Variants in SEMA4D observed in about 807,000 individuals in gnomAD.
The protein encoded by SEMA4D is semaphorin-4D.
In SEMA4D, 22 loss-of-function variants were observed where a neutral mutation model predicts 74.8. That is an observed-to-expected ratio of 0.29 (90% CI 0.21 to 0.42). The LOEUF (loss-of-function observed/expected upper bound fraction) is 0.42, where lower values mean the gene tolerates loss of function less well. SEMA4D is among the 10% of genes least tolerant of loss of function. The pLI, the probability that SEMA4D is intolerant of heterozygous loss-of-function variation, is 1.00. For missense variants in SEMA4D, 937 were observed against 1,118.4 expected, an observed-to-expected ratio of 0.84 and a Z score of 2.31; for synonymous variants, 445 against 463.7, an observed-to-expected ratio of 0.96 and a Z score of 0.52.
intron 1 of SEMA4D, among the ~76,000 whole-genome samples, chr9:89,493,160 A>G (rs1825757171): frequency 6.6e-6 from 1 of 152,188 alleles, no homozygotes; most frequent in South Asian, 2.1e-4. Flanking sequence ...CCTAAGACAA[A>G]GGAGCATCAC....
rs1002407906 is a variant in SEMA4D at position 89,433,832 on chromosome 9, T to C, written c.-244+22056A>G. ...CTCAGACAGTATCTCTCAAAGCCTC[T>C]GGATGCTGGTACCAGCATACCCCAG... is the stretch of plus-strand genomic sequence containing the variant. On this transcript the variant is annotated intron_variant, in intron 2 of 15. Transcript: ENST00000422704. 3.9e-5 allele frequency among the ~76,000 whole-genome samples: 6 copies of C among 152,176 alleles called. No homozygotes were observed. In the South Asian group the frequency reaches 1.2e-3, roughly 32 times the overall value.
intron 1 of SEMA4D, among the ~76,000 whole-genome samples, chr9:89,462,985 A>AGGGGAGC (rs796527294): frequency 2.3e-4 from 28 of 122,960 alleles, no homozygotes; most frequent in South Asian, 4.7e-4. Flanking sequence ...GGAGCGAGGG[A>AGGGGAGC]GAAAGAGAGG....
At chr9:89,413,906 G>A (rs1845107242) in intron 2 of SEMA4D, among the ~76,000 whole-genome samples, 1 of 152,240 alleles carries the variant, frequency 6.6e-6, no homozygotes, top group South Asian at 2.1e-4. Context: ...GTGTGCATGT[G>A]TGTATATGTG....
intron 2 of SEMA4D, among the ~76,000 whole-genome samples, chr9:89,427,965 T>A (rs1203456959): frequency 6.6e-6 from 1 of 152,150 alleles, no homozygotes; most frequent in Non-Finnish European, 1.5e-5. Flanking sequence ...GAGGTGTGTT[T>A]CCCCTAGGGA....
intron 4 of SEMA4D, 136 bp downstream of exon 4, chr9:89,402,735 C>T: frequency 1.1e-6 from 1 of 915,784 alleles, no homozygotes; most frequent in Admixed American, 2.5e-5. Context: ...TGGTGGACAC[C>T]CAAAGATGGG....
At chr9:89,387,194 G>A in intron 12 of SEMA4D, 192 bp downstream of exon 12, 1 of 569,428 alleles carries the variant, frequency 1.8e-6, no homozygotes, top group Non-Finnish European at 3.1e-6. Context: ...CAGTAGCCTG[G>A]TGGTCCCAGA....
chr9:89,458,379 T>G (rs1487418898), intron 1 of SEMA4D, among the ~76,000 whole-genome samples: 1 of 152,120 alleles, frequency 6.6e-6, no homozygotes, highest in African/African-American at 2.4e-5. Context: ...GCCCCTTTTC[T>G]TTAGTGGAAA....
rs535881036 is a variant in SEMA4D, at chr9:89,400,621, G to A, written c.253-1283C>T. On this transcript the variant is annotated intron_variant, in intron 4 of 15. Coordinates refer to ENST00000422704, the MANE Select transcript of SEMA4D (RefSeq NM_001371194.2). ...AGTCCTGATAGGGGCACACAAAAGC[G>A]GAACAGAGTCTCATTTAAAATAGCC... Among the ~76,000 whole-genome samples the A allele has an allele frequency of 4.6e-5, 7 of 152,230 alleles. No individual in the cohort carries two copies. The South Asian group carries it at 1.0e-3, about 23-fold the overall frequency.
intron 2 of SEMA4D, among the ~76,000 whole-genome samples, chr9:89,435,063 G>C (rs992603429): frequency 6.6e-6 from 1 of 152,182 alleles, no homozygotes; most frequent in African/African-American, 2.4e-5. Flanking sequence ...CTGAGTTGCT[G>C]GTCTAAGAGC....
rs544936318 is a variant in SEMA4D at position 89,364,458 on chromosome 9, C to G, written c.1883-508G>C. On this transcript the variant is annotated intron_variant, in intron 16 of 18. Coordinates refer to the SEMA4D transcript ENST00000339861. ...TGAGGGCCTGTCTCTCCAATTGAGA[C>G]ACTGGGGTGGGCTTGGAGGGGAGTA... is the stretch of plus-strand genomic sequence containing the variant. 8 of 209,808 alleles carry G rather than the reference C, an allele frequency of 3.8e-5. No homozygotes were observed. The East Asian group carries it at 8.5e-4, about 22-fold the overall frequency. The allele number at this position is 209,808 out of a possible 1,614,324, so 13.0% of individuals were successfully genotyped here.
chr9:89,495,605 A>G (rs1241175913), intron 1 of SEMA4D, among the ~76,000 whole-genome samples: 1 of 152,232 alleles, frequency 6.6e-6, no homozygotes, highest in African/African-American at 2.4e-5. Context: ...AGTTCAAAGA[A>G]GAAATAACTG....
At chr9:89,453,443 T>C (rs910095055) in intron 2 of SEMA4D, among the ~76,000 whole-genome samples, 1 of 152,254 alleles carries the variant, frequency 6.6e-6, no homozygotes, top group Non-Finnish European at 1.5e-5. Context: ...CAAGCCAACC[T>C]GTGCTCCTTT....
chr9:89,409,460 C>G (rs1168127983), intron 2 of SEMA4D, among the ~76,000 whole-genome samples: 1 of 152,188 alleles, frequency 6.6e-6, no homozygotes, highest in Admixed American at 6.5e-5. Context: ...AGGCACCACT[C>G]TGTGGGGGGA....
intron 6 of SEMA4D, among the ~76,000 whole-genome samples, chr9:89,395,774 C>A (rs1338045385): frequency 6.6e-6 from 1 of 152,176 alleles, no homozygotes; most frequent in Non-Finnish European, 1.5e-5. Flanking sequence ...AAATACCAGG[C>A]TTCCTCATCA....
At chr9:89,477,947 CCT>C (rs552389856) in intron 1 of SEMA4D, among the ~76,000 whole-genome samples, 58 of 152,212 alleles carry the variant, frequency 3.8e-4, no homozygotes, top group Non-Finnish European at 6.3e-4. Context: ...TCCTGTTTCC[CCT>C]CTGAGTCAAC....
At chr9:89,368,922 T>G (rs1029475366) in intron 16 of SEMA4D, 2 of 152,284 alleles carry the variant, frequency 1.3e-5, no homozygotes, top group African/African-American at 2.4e-5. Flanking sequence ...AAGGCACCAC[T>G]GAGGCACCGA....
intron 2 of SEMA4D, among the ~76,000 whole-genome samples, chr9:89,452,538 G>A (rs990718899): frequency 7.2e-5 from 11 of 151,996 alleles, no homozygotes; most frequent in Non-Finnish European, 1.3e-4. Flanking sequence ...TGCAACCTCC[G>A]CCTCCTGGCT....
rs762565486 is a variant in SEMA4D, at chr9:89,379,324, T to C, written c.1969A>G (p.Thr657Ala). ...CCTTCTGTCTGAACAACTGACAAGG[T>C]GGGGGCCACTACGGGCTTTGGAACC... ...KVVPKPVVAPTLSVVQTEGSR... is the reference protein window; with the variant it reads ...KVVPKPVVAPALSVVQTEGSR... Residue 657 changes from threonine to alanine, a missense_variant, in exon 16 of 16, where the codon ACC becomes GCC. Transcript: ENST00000422704. 1.2e-6 allele frequency: 2 copies of C among 1,614,050 alleles called. No homozygotes were observed. Among genetic ancestry groups the C allele is most frequent in the Non-Finnish European group, 1.7e-6 (2 of 1,179,998 alleles).
chr9:89,388,930 C>T lies in SEMA4D; in HGVS notation c.892G>A (p.Val298Met), dbSNP rs748202028. The change falls in exon 10 of 16, where the codon GTG (valine) becomes ATG (methionine). Residue 298 changes from valine (V) to methionine (M), a missense_variant. Val to Met is a conservative substitution (Grantham distance 21). Transcript: ENST00000422704. ...LVFNVLRDVF[V>M]LRSPGLKVPV... ...ACCTTCAGGCCCGGGGACCTGAGCACGAAGACATCCCGCAGCACATTGAAG... is the reference window on the plus strand; with the variant it reads ...ACCTTCAGGCCCGGGGACCTGAGCATGAAGACATCCCGCAGCACATTGAAG... 7.4e-6 allele frequency: 12 copies of T among 1,614,034 alleles called. No individual in the cohort carries two copies. Among genetic ancestry groups the T allele is most frequent in the African/African-American group, 1.3e-5 (1 of 74,910 alleles).
Sources: gnomAD v4.1 joint callset for allele counts (sites outside exome capture counted in the v4.1 genomes callset) on GRCh38, gnomAD v4.1.1 for gene constraint, MANE v1.5 for transcripts, NCBI Gene and HGNC (gene_info 2026-07-23, HGNC 2026-07-21) for gene names.